The following NR0B1 variants were observed in gnomAD, a reference collection of about 807,000 sequenced individuals.
NR0B1 encodes nuclear receptor subfamily 0 group B member 1.
In NR0B1, 3 loss-of-function variants were observed where a neutral mutation model predicts 23.0. That is an observed-to-expected ratio of 0.13 (90% CI 0.06 to 0.34). The LOEUF (loss-of-function observed/expected upper bound fraction) is 0.34. NR0B1 is among the 10% of genes least tolerant of loss of function. The pLI is 1.00. For missense variants in NR0B1, 350 were observed against 402.9 expected (o/e 0.87, Z 1.12); for synonymous variants, 205 against 184.0 (o/e 1.11, Z -0.92).
At position 30,309,368 on chromosome X, in the gene NR0B1, C is replaced by T. The variant is rs1262287727; in HGVS notation, c.-5G>A. On this transcript the variant is annotated 5_prime_UTR_variant, in exon 1 of 2. Transcript: ENST00000378970. Reference sequence around the variant, plus strand: ...CTGGTGGTTCTCGCCCGCCATGGCCCGCGGCGCCCGTAGCCCAGTTCTGCC... The same window carrying T: ...CTGGTGGTTCTCGCCCGCCATGGCCTGCGGCGCCCGTAGCCCAGTTCTGCC... 1 of 1,194,418 alleles carries T rather than the reference C, an allele frequency of 8.4e-7. No individual in the cohort carries two copies.
Position 30,308,320 on chromosome X carries a change from C to T in NR0B1, c.1044G>A (p.Glu348=). 1 of 1,211,525 alleles carries T rather than the reference C, an allele frequency of 8.3e-7. No individual in the cohort carries two copies. The highest frequency in any genetic ancestry group is 1.7e-5 in the African/African-American group (1 of 57,929). ...TLQHHLAPPA[E]ARKVPSASQV... Reference sequence around the variant, plus strand: ...GGGAGGCGGAGGGCACCTTCCTGGCCTCCGCCGGCGGTGCCAAATGGTGCT... The same window carrying T: ...GGGAGGCGGAGGGCACCTTCCTGGCTTCCGCCGGCGGTGCCAAATGGTGCT... Residue 348 remains glutamate, a synonymous_variant, in exon 1 of 2, where the codon GAG becomes GAA. Coordinates refer to ENST00000378970, the MANE Select transcript of NR0B1 (RefSeq NM_000475.5).
At position 30,308,371 on chromosome X, in the gene NR0B1, G is replaced by C; in HGVS notation, c.993C>G (p.Asn331Lys). The C allele has an allele frequency of 1.7e-6, 2 of 1,209,892 alleles. No individual in the cohort carries two copies. The highest frequency in any genetic ancestry group is 2.2e-6 in the Non-Finnish European group (2 of 894,437). ...LTTRRRETGG[N>K]EPLPVPTLQH... is the part of the protein sequence containing the mutation. ...GCAGCGTGGGCACGGGCAGTGGCTC[G>C]TTGCCCCCGGTCTCCCGCCGCCTGG... is the stretch of plus-strand genomic sequence containing the variant. The change falls in exon 1 of 2, where the codon AAC (asparagine) becomes AAG (lysine). Residue 331 changes from asparagine to lysine, a missense_variant. Asn to Lys is a moderately conservative substitution (Grantham distance 94, BLOSUM62 0). Transcript: ENST00000378970.
rs759286108 is a variant in NR0B1 at position 30,304,969 on chromosome X, C to T, written c.1169-146G>A. 3.2e-4 allele frequency: 197 copies of T among 617,575 alleles called. 1 individual carries two copies. Among genetic ancestry groups the T allele is most frequent in the Middle Eastern group, 5.1e-4 (1 of 1,974 alleles). The allele number at this position is 617,575 out of a possible 1,213,427, so 50.9% of individuals were successfully genotyped here. A position where few individuals can be genotyped will look rare whatever the true frequency, so the allele number is the denominator to read the frequency against. ...AAGGGTAAAAGGCCAAACCAGTCTA[C>T]GTTTTCAGAAGCAACGTGTCCAAGA... On this transcript the variant is annotated intron_variant, in intron 1 of 1. Coordinates refer to ENST00000378970, the MANE Select transcript of NR0B1 (RefSeq NM_000475.5).
chrX:30,306,577 A>ATGTGTGTGTGTGTGTGTGTGTGTG (rs58777171), intron 1 of NR0B1, among the ~76,000 whole-genome samples: 3 of 92,335 alleles, frequency 3.2e-5, no homozygotes, highest in Non-Finnish European at 4.3e-5. Context: ...ATAAGGAAGA[A>ATGTGTGTGTGTGTGTGTGTGTGTG]TGTGTGTGTG....
chrX:30,309,371 G>A lies in NR0B1; in HGVS notation c.-8C>T. The A allele has an allele frequency of 8.4e-7, 1 of 1,193,195 alleles. No individual in the cohort carries two copies. Among genetic ancestry groups the A allele is most frequent in the Non-Finnish European group, 1.1e-6 (1 of 890,922 alleles). On this transcript the variant is annotated 5_prime_UTR_variant, in exon 1 of 2. Coordinates refer to ENST00000378970, the MANE Select transcript of NR0B1 (RefSeq NM_000475.5). Reference sequence around the variant, plus strand: ...GTGGTTCTCGCCCGCCATGGCCCGCGGCGCCCGTAGCCCAGTTCTGCCCAG... The same window carrying A: ...GTGGTTCTCGCCCGCCATGGCCCGCAGCGCCCGTAGCCCAGTTCTGCCCAG...
At chrX:30,306,410 T>C (rs1926518008) in intron 1 of NR0B1, among the ~76,000 whole-genome samples, 1 of 111,470 alleles carries the variant, frequency 9.0e-6, no homozygotes, top group African/African-American at 3.3e-5. Flanking sequence ...GTATTTAAAT[T>C]TATATATGGG....
At chrX:30,304,869 G>A (rs779381371) in intron 1 of NR0B1, 46 bp from the exon 2 acceptor site, 35 of 1,192,577 alleles carry the variant, frequency 2.9e-5, no homozygotes, top group Middle Eastern at 5.9e-4. Flanking sequence ...TCACCACAGA[G>A]TCCTTTGCTA....
At chrX:30,305,857 T>TA (rs752313108) in intron 1 of NR0B1, 2 of 458,074 alleles carry the variant, frequency 4.4e-6, no homozygotes, top group Non-Finnish European at 7.7e-6. Flanking sequence ...TCCCTTTTCC[T>TA]AAAAAATTCA....
In NR0B1 at chrX:30,308,728, G is replaced by C; in HGVS notation, c.636C>G (p.Thr212=). The change falls in exon 1 of 2, where the codon ACC becomes ACG. Residue 212 remains threonine, a synonymous_variant. Transcript: ENST00000378970. ...TTGTGCTCGTGGGCACGCAGTAGAG[G>C]GTGCTGCCCTGCTGCGGGTGGTCTT... ...CGEDHPQQGS[T]LYCVPTSTNQ... The C allele has an allele frequency of 4.2e-6, 5 of 1,199,284 alleles. No individual in the cohort carries two copies. The highest frequency in any genetic ancestry group is 5.6e-6 in the Non-Finnish European group (5 of 889,668).
chrX:30,309,105 C>A lies in NR0B1; in HGVS notation c.259G>T (p.Ala87Ser), dbSNP rs1926596567. ...GSILYSMLTS[A>S]KQTYAAPKAP... The stretch of plus-strand genomic sequence containing the variant: ...TTCGGTGCCGCGTACGTTTGCTTTG[C>A]GCTCGTCAGCATGCTGTAGAGGATG... Residue 87 changes from alanine (A) to serine (S), a missense_variant, in exon 1 of 2, where the codon GCA becomes TCA. Physicochemically the swap from Ala to Ser is moderately conservative, Grantham distance 99 (BLOSUM62 1). Around this residue, in one of 2 missense-constraint regions of NR0B1, gnomAD observed 298 missense variants for 314.0 expected, o/e 0.95. Coordinates refer to ENST00000378970, the MANE Select transcript of NR0B1 (RefSeq NM_000475.5). 1 of 1,167,685 alleles carries A rather than the reference C, an allele frequency of 8.6e-7. No homozygotes were observed. The highest frequency in any genetic ancestry group is 3.3e-5 in the East Asian group (1 of 30,661).
chrX:30,308,125 G>A, intron 1 of NR0B1, 71 bp downstream of exon 1: 1 of 844,899 alleles, frequency 1.2e-6, no homozygotes, highest in Non-Finnish European at 1.8e-6. Flanking sequence ...TACTGCCCGC[G>A]CCCCTAGATA....
At chrX:30,305,914 A>G in intron 1 of NR0B1, 1 of 384,266 alleles carries the variant, frequency 2.6e-6, no homozygotes, top group South Asian at 7.2e-5. Flanking sequence ...ACAGAGCAGC[A>G]GAACCAGTGT....
In NR0B1 at chrX:30,308,843, C is replaced by G. The variant is rs374625081; in HGVS notation, c.521G>C (p.Arg174Pro). The change falls in exon 1 of 2, where the codon CGC becomes CCC. Residue 174 changes from arginine to proline, a missense_variant. Physicochemically the swap from Arg to Pro is moderately radical, Grantham distance 103. Transcript: ENST00000378970. ...EARPGGAWWDRSYFAQRPGGK... is the reference protein window; with the variant it reads ...EARPGGAWWDPSYFAQRPGGK... ...CCCTGGCCTCTGCGCGAAGTAGGAG[C>G]GGTCCCACCACGCGCCCCCTGGCCG... The G allele has an allele frequency of 2.6e-5, 30 of 1,169,772 alleles. No homozygotes were observed. The highest frequency in any genetic ancestry group is 2.4e-4 in the Middle Eastern group (1 of 4,215).
chrX:30,305,979 T>C, intron 1 of NR0B1: 1 of 325,937 alleles, frequency 3.1e-6, no homozygotes, highest in Non-Finnish European at 5.4e-6. Flanking sequence ...TATGGGCGAA[T>C]ATCAAATCTC....
chrX:30,308,856 C>G lies in NR0B1; in HGVS notation c.508G>C (p.Ala170Pro), dbSNP rs1248710856. The change falls in exon 1 of 2, where the codon GCG (alanine) becomes CCG (proline). Residue 170 changes from alanine to proline, a missense_variant. Physicochemically the swap from Ala to Pro is conservative, Grantham distance 27. Transcript: ENST00000378970. ...PAAPEARPGGAWWDRSYFAQR... is the reference protein window; with the variant it reads ...PAAPEARPGGPWWDRSYFAQR... Reference sequence around the variant, plus strand: ...GCGAAGTAGGAGCGGTCCCACCACGCGCCCCCTGGCCGTGCCTCGGGCGCT... The same window carrying G: ...GCGAAGTAGGAGCGGTCCCACCACGGGCCCCCTGGCCGTGCCTCGGGCGCT... 6.8e-6 allele frequency: 8 copies of G among 1,170,980 alleles called. No homozygotes were observed. The Admixed American group carries it at 2.0e-4, about 29-fold the overall frequency.
chrX:30,305,816 T>A, intron 1 of NR0B1: 1 of 470,019 alleles, frequency 2.1e-6, no homozygotes. Context: ...TTGGTTTAAA[T>A]GATGTTAATG....
In NR0B1 at chrX:30,309,206, C is replaced by T. The variant is rs1478914457; in HGVS notation, c.158G>A (p.Gly53Glu). 1.7e-6 allele frequency: 2 copies of T among 1,210,006 alleles called. No homozygotes were observed. The highest frequency in any genetic ancestry group is 4.3e-5 in the Admixed American group (2 of 46,000). Reference protein sequence around the residue: ...CGDEPGVGREGLLGGRNVALL... With the variant: ...CGDEPGVGREELLGGRNVALL... ...CGCCACGTTCCGCCCGCCCAGCAGC[C>T]CCTCTCTGCCCACCCCGGGCTCATC... The change falls in exon 1 of 2, where the codon GGG becomes GAG. Residue 53 changes from glycine (G) to glutamate (E), a missense_variant. Gly to Glu is a moderately conservative substitution (Grantham distance 98). Around this residue, in one of 2 missense-constraint regions of NR0B1, gnomAD observed 298 missense variants for 314.0 expected, o/e 0.95. Coordinates refer to ENST00000378970, the MANE Select transcript of NR0B1 (RefSeq NM_000475.5).
chrX:30,305,121 T>A (rs962296648), intron 1 of NR0B1, among the ~76,000 whole-genome samples: 18 of 112,869 alleles, frequency 1.6e-4, no homozygotes, highest in African/African-American at 5.5e-4. Flanking sequence ...TAATGAATCA[T>A]CACTCCAGTT....
chrX:30,304,563 T>C lies in NR0B1; in HGVS notation c.*16A>G. 8.3e-7 allele frequency: 1 copy of C among 1,211,310 alleles called. No homozygotes were observed. Among genetic ancestry groups the C allele is most frequent in the Non-Finnish European group, 1.1e-6 (1 of 894,965 alleles). On this transcript the variant is annotated 3_prime_UTR_variant, in exon 2 of 2. Transcript: ENST00000378970. ...ATGGTGAACTGCACTACTGCACTTGTGTGGCCCACATGACTTTATATCTTT... is the reference window on the plus strand; with the variant it reads ...ATGGTGAACTGCACTACTGCACTTGCGTGGCCCACATGACTTTATATCTTT...
Sources: allele counts gnomAD v4.1 joint callset (sites outside exome capture counted in the v4.1 genomes callset), GRCh38; gene constraint gnomAD v4.1.1; regional missense constraint gnomAD v4.1.1; transcripts MANE v1.5; gene names NCBI Gene and HGNC (gene_info 2026-07-23, HGNC 2026-07-21).